KIFBP: variants seen among roughly 807,000 people sequenced by gnomAD.
The protein encoded by KIFBP is KIF-binding protein.
In KIFBP, 46 loss-of-function variants were observed where a neutral mutation model predicts 58.9. The ratio of observed to expected loss-of-function variants is 0.78; its 90% CI spans 0.62 to 1.00. The LOEUF (loss-of-function observed/expected upper bound fraction) is 1.00. KIFBP is among the 50% of genes least tolerant of loss of function. The probability of loss-of-function intolerance (pLI) is 0.00; values close to 1 mark genes in which losing one functional copy is unlikely to be tolerated. For synonymous variants in KIFBP, 241 were observed against 283.4 expected, an observed-to-expected ratio of 0.85 and a Z score of 1.50; for missense variants, 651 against 752.9, an observed-to-expected ratio of 0.86 and a Z score of 1.58.
chr10:69,007,016 A>G, intron 4 of KIFBP: 1 of 152,222 alleles, frequency 6.6e-6, no homozygotes, highest in South Asian at 2.1e-4. Flanking sequence ...AGTGTTATCC[A>G]GTGCCTCCGC....
Position 69,011,460 on chromosome 10 carries a change from C to A in KIFBP, c.990+445C>A, listed in dbSNP as rs183115533. Among the ~76,000 whole-genome samples the A allele has an allele frequency of 7.8e-3, 1,138 of 145,870 alleles. 20 individuals are homozygous for A. Among genetic ancestry groups the A allele is most frequent in the African/African-American group, 0.027 (1,067 of 39,144 alleles). ...CCAGGCTGGAGTGTGGTGGCGTGAT[C>A]ATGGGTCACTGCAACCTTGGTCTCC... On this transcript the variant is annotated intron_variant, in intron 6 of 6. Coordinates refer to ENST00000361983, the MANE Select transcript of KIFBP (RefSeq NM_015634.4).
At chr10:69,007,930 A>T (rs1336614683) in intron 4 of KIFBP, among the ~76,000 whole-genome samples, 1 of 152,194 alleles carries the variant, frequency 6.6e-6, no homozygotes, top group Non-Finnish European at 1.5e-5. Context: ...CCGGAATTGA[A>T]TTATGAAGTC....
intron 3 of KIFBP, 52 bp from the exon 4 acceptor site, chr10:69,005,680 A>G: frequency 6.9e-7 from 1 of 1,448,122 alleles, no homozygotes; most frequent in South Asian, 1.2e-5. Flanking sequence ...CTCAGGAAAA[A>G]AAAAAAACAA....
In KIFBP at chr10:69,005,740, AG is replaced by A. The variant is rs1358110052; in HGVS notation, c.616del (p.Val206PhefsTer9). 2.5e-6 allele frequency: 4 copies of A among 1,606,612 alleles called. No individual in the cohort carries two copies. The East Asian group carries it at 6.7e-5, about 27-fold the overall frequency. ...TEQERSKRFE[K>X]VYTHNLYYLA... ...TTATTTTTTCTTTACAGATTTGAAAAGGTTTATACTCATAACCTATATTACC... is the reference window on the plus strand; with the variant it reads ...TTATTTTTTCTTTACAGATTTGAAAAGTTTATACTCATAACCTATATTACC... On this transcript the variant is annotated frameshift_variant, in exon 4 of 7. Transcript: ENST00000361983. LOFTEE classifies it high-confidence loss of function.
In KIFBP at chr10:68,989,228, C is replaced by T; in HGVS notation, c.396C>T (p.His132=). Residue 132 remains histidine (H), a synonymous_variant, in exon 1 of 7, where the codon CAC becomes CAT. Transcript: ENST00000361983. The part of the protein sequence containing the change: ...LRLLRRYRLS[H]DCISLCIQAQ... ...TGCTGCGCAGGTACCGGCTCTCGCA[C>T]GACTGCATCTCTCTCTGCATCCAGG... The T allele has an allele frequency of 3.7e-6, 6 of 1,613,544 alleles. No homozygotes were observed. Among genetic ancestry groups the T allele is most frequent in the Non-Finnish European group, 5.1e-6 (6 of 1,179,952 alleles).
chr10:69,016,091 T>C lies in KIFBP; in HGVS notation c.1541T>C (p.Leu514Pro). 6.2e-7 allele frequency: 1 copy of C among 1,614,088 alleles called. No individual in the cohort carries two copies. The highest frequency in any genetic ancestry group is 8.5e-7 in the Non-Finnish European group (1 of 1,179,942). ...KKINNLNKSA[L>P]KYYQLFLDSL... ...ATAAATAATCTTAATAAGTCAGCACTGAAGTACTACCAGCTCTTCTTAGAC... is the reference window on the plus strand; with the variant it reads ...ATAAATAATCTTAATAAGTCAGCACCGAAGTACTACCAGCTCTTCTTAGAC... The change falls in exon 7 of 7, where the codon CTG (leucine) becomes CCG (proline). Residue 514 changes from leucine to proline, a missense_variant. Leu to Pro is a moderately conservative substitution (Grantham distance 98, BLOSUM62 -3). Coordinates refer to ENST00000361983, the MANE Select transcript of KIFBP (RefSeq NM_015634.4).
chr10:69,003,732 T>C (rs2132112493), intron 2 of KIFBP, among the ~76,000 whole-genome samples: 1 of 152,340 alleles, frequency 6.6e-6, no homozygotes, highest in South Asian at 2.1e-4. Context: ...GTCCCTGTAT[T>C]GAAAGGGGGT....
chr10:69,011,191 C>G lies in KIFBP; in HGVS notation c.990+176C>G, dbSNP rs535461611. ...ATCGTATTCTTCGAATTGCTTGAAT[C>G]CGGGAGGCAGAGGCTGCGTGAGCCG... On this transcript the variant is annotated intron_variant, in intron 6 of 6. Coordinates refer to ENST00000361983, the MANE Select transcript of KIFBP (RefSeq NM_015634.4). The G allele has an allele frequency of 5.5e-5, 33 of 595,580 alleles. No individual in the cohort carries two copies. The East Asian group carries it at 1.0e-3, about 19-fold the overall frequency. The allele number at this position is 595,580 out of a possible 1,614,324, so 36.9% of individuals were successfully genotyped here.
rs760604068 is a variant in KIFBP, at chr10:69,005,836, G to A, written c.710G>A (p.Arg237His). 60 of 1,613,868 alleles carry A rather than the reference G, an allele frequency of 3.7e-5. No homozygotes were observed. The highest frequency in any genetic ancestry group is 3.3e-4 in the Middle Eastern group (2 of 6,084). ...AAHYCHSTLK[R>H]QLEHNAYHPI... ...CACTATTGCCATAGTACACTAAAAC[G>A]CCAGCTTGAGCACAATGCCTACCAT... The change falls in exon 4 of 7, where the codon CGC (arginine) becomes CAC (histidine). Residue 237 changes from arginine to histidine, a missense_variant. Physicochemically the swap from Arg to His is conservative, Grantham distance 29 (BLOSUM62 0). Coordinates refer to ENST00000361983, the MANE Select transcript of KIFBP (RefSeq NM_015634.4).
At chr10:68,989,393 A>G (rs1199985087) in intron 1 of KIFBP, 135 bp downstream of exon 1, 2 of 981,278 alleles carry the variant, frequency 2.0e-6, no homozygotes, top group Non-Finnish European at 3.1e-6. Flanking sequence ...ACTGAGTCCC[A>G]AAGAGCGTCT....
Position 69,015,970 on chromosome 10 carries a change from C to A in KIFBP, c.1420C>A (p.Gln474Lys), listed in dbSNP as rs1334941703. The A allele has an allele frequency of 3.7e-6, 6 of 1,614,090 alleles. No homozygotes were observed. Among genetic ancestry groups the A allele is most frequent in the Non-Finnish European group, 5.1e-6 (6 of 1,179,992 alleles). Residue 474 changes from glutamine to lysine, a missense_variant, in exon 7 of 7, where the codon CAG (glutamine) becomes AAG (lysine). Coordinates refer to ENST00000361983, the MANE Select transcript of KIFBP (RefSeq NM_015634.4). Reference protein sequence around the residue: ...QYYLLVNRQIQFEIAHAYYDM... With the variant: ...QYYLLVNRQIKFEIAHAYYDM... Reference sequence around the variant, plus strand: ...TTATCTGTTGGTCAACAGACAGATCCAGTTTGAAATTGCACATGCTTACTA... The same window carrying A: ...TTATCTGTTGGTCAACAGACAGATCAAGTTTGAAATTGCACATGCTTACTA...
At chr10:69,013,150 A>G (rs1843611819) in intron 6 of KIFBP, among the ~76,000 whole-genome samples, 1 of 152,146 alleles carries the variant, frequency 6.6e-6, no homozygotes, top group African/African-American at 2.4e-5. Context: ...GCCCCCAGTG[A>G]TCCAGTCACC....
chr10:69,006,007 C>T, intron 4 of KIFBP, 92 bp downstream of exon 4: 1 of 1,208,214 alleles, frequency 8.3e-7, no homozygotes, highest in Non-Finnish European at 1.2e-6. Context: ...CTTTTAAAAA[C>T]AGGTAGCTTG....
At chr10:69,004,818 G>A (rs750067553) in intron 2 of KIFBP, among the ~76,000 whole-genome samples, 1 of 152,148 alleles carries the variant, frequency 6.6e-6, no homozygotes, top group Non-Finnish European at 1.5e-5. Context: ...GTTACAGTAA[G>A]CCGAGATTGT....
chr10:69,011,683 C>CT (rs34786287), intron 6 of KIFBP, among the ~76,000 whole-genome samples: 1,710 of 42,566 alleles, frequency 0.04, 313 homozygotes, highest in Non-Finnish European at 0.051. Context: ...TGTGCCTAAT[C>CT]TTTTTTTTTT....
Position 69,016,453 on chromosome 10 carries a change from A to G in KIFBP, c.*37A>G. The G allele has an allele frequency of 1.9e-6, 3 of 1,608,810 alleles. No individual in the cohort carries two copies. In the African/African-American group the frequency reaches 4.0e-5, roughly 21 times the overall value. On this transcript the variant is annotated 3_prime_UTR_variant, in exon 7 of 7. Coordinates refer to ENST00000361983, the MANE Select transcript of KIFBP (RefSeq NM_015634.4). ...AAAGAAAGGAAATGTGCAATATTGA[A>G]GTGATCTTTTTCCCTAGTCAGACAG...
chr10:69,008,188 C>A (rs1389488972), intron 4 of KIFBP, among the ~76,000 whole-genome samples: 1 of 151,268 alleles, frequency 6.6e-6, no homozygotes, highest in Non-Finnish European at 1.5e-5. Context: ...CCCTGGGAGG[C>A]CAAGGTGGGA....
chr10:69,010,353 CTCA>C (rs1801464360), intron 5 of KIFBP, among the ~76,000 whole-genome samples: 2 of 152,102 alleles, frequency 1.3e-5, no homozygotes, highest in African/African-American at 4.8e-5. Context: ...CACAATTATA[CTCA>C]TGTTTCAAGT....
intron 1 of KIFBP, among the ~76,000 whole-genome samples, chr10:68,992,419 A>G (rs975150566): frequency 6.6e-6 from 1 of 152,192 alleles, no homozygotes; most frequent in Non-Finnish European, 1.5e-5. Context: ...GCATTTTATA[A>G]TAATTAACCC....
Sources: allele counts gnomAD v4.1 joint callset (sites outside exome capture counted in the v4.1 genomes callset), GRCh38; gene constraint gnomAD v4.1.1; transcripts MANE v1.5; gene names NCBI Gene and HGNC (gene_info 2026-07-23, HGNC 2026-07-21).